The following LAMA2 variants were observed in gnomAD, a reference collection of about 807,000 sequenced individuals.
The protein encoded by LAMA2 is laminin subunit alpha 2.
LAMA2 carries 269 observed loss-of-function variants against 364.8 expected under a neutral mutation model. The ratio of observed to expected loss-of-function variants is 0.74; its 90% confidence interval spans 0.67 to 0.82. The LOEUF (loss-of-function observed/expected upper bound fraction) is 0.82. LAMA2 is among the 40% of genes least tolerant of loss of function. The probability of loss-of-function intolerance (pLI) is 0.00; values close to 1 mark genes in which losing one functional copy is unlikely to be tolerated. For missense variants in LAMA2, 3,807 were observed against 3,873.2 expected, an observed-to-expected ratio of 0.98 and a Z score of 0.45; for synonymous variants, 1,379 against 1,370.6, an observed-to-expected ratio of 1.01 and a Z score of -0.14.
chr6:129,334,018 T>G (rs1006910479), intron 29 of LAMA2, among the ~76,000 whole-genome samples: 7 of 152,178 alleles, frequency 4.6e-5, no homozygotes, highest in African/African-American at 1.7e-4. Context: ...GCTCCAAATT[T>G]TTATATTTTC....
At chr6:129,506,314 C>T (rs913740176) in intron 61 of LAMA2, among the ~76,000 whole-genome samples, 3 of 151,934 alleles carry the variant, frequency 2.0e-5, no homozygotes, top group African/African-American at 7.3e-5. Context: ...AATAGCACCA[C>T]TGCATTCCAG....
intron 12 of LAMA2, among the ~76,000 whole-genome samples, chr6:129,219,522 G>A (rs1783653322): frequency 6.6e-6 from 1 of 151,324 alleles, no homozygotes; most frequent in South Asian, 2.1e-4. Context: ...AAAGACACAT[G>A]CACACGTATG....
At chr6:129,035,310 T>TC in intron 1 of LAMA2, among the ~76,000 whole-genome samples, 1 of 151,026 alleles carries the variant, frequency 6.6e-6, no homozygotes, top group East Asian at 1.9e-4. Flanking sequence ...TCTTTTTTTT[T>TC]TTTTTAGAAG....
chr6:128,912,444 C>A (rs1778030351), intron 1 of LAMA2, among the ~76,000 whole-genome samples: 1 of 152,044 alleles, frequency 6.6e-6, no homozygotes, highest in Admixed American at 6.6e-5. Flanking sequence ...TTTGAGATTT[C>A]TATAAAATTC....
Position 129,188,545 on chromosome 6 carries a change from C to G in LAMA2, c.1468-1660C>G, listed in dbSNP as rs557753418. 1.1e-4 allele frequency among the ~76,000 whole-genome samples: 17 copies of G among 151,954 alleles called. No homozygotes were observed. The South Asian group carries it at 2.9e-3, about 26-fold the overall frequency. The stretch of plus-strand genomic sequence containing the variant: ...TTACAGATATGTTTCATCTTTCTTG[C>G]CTTTATACTCTTTTGAAGATGCTCT... On this transcript the variant is annotated intron_variant, in intron 10 of 64. Transcript: ENST00000421865.
At position 129,374,481 on chromosome 6, in the gene LAMA2, C is replaced by T. The variant is rs1205848410; in HGVS notation, c.4959+4491C>T. 2.6e-5 allele frequency among the ~76,000 whole-genome samples: 4 copies of T among 152,274 alleles called. No individual in the cohort carries two copies. The East Asian group carries it at 7.7e-4, about 29-fold the overall frequency. On this transcript the variant is annotated intron_variant, in intron 34 of 64. Coordinates refer to ENST00000421865, the MANE Select transcript of LAMA2 (RefSeq NM_000426.4). ...CAGACCACTGGGATATTCAAGAACT[C>T]CCCAGATTATACTGATAAAGAATTA...
rs1294289973 is a variant in LAMA2, at chr6:129,454,205, G to C, written c.6624G>C (p.Trp2208Cys). The C allele has an allele frequency of 1.9e-6, 3 of 1,612,298 alleles. No individual in the cohort carries two copies. The highest frequency in any genetic ancestry group is 2.5e-6 in the Non-Finnish European group (3 of 1,178,736). ...GTAAAGGCAAAGTCAGCTTCCTCTG[G>C]GATGTTGGATCTGGAGTTGGACGTG... ...EMRKGKVSFL[W>C]DVGSGVGRVE... Residue 2208 changes from tryptophan to cysteine, a missense_variant, in exon 47 of 65, where the codon TGG becomes TGC. This residue lies in a region of LAMA2 where 3,333 missense variants were observed against 3,345.7 expected (regional missense o/e 1.00). Coordinates refer to ENST00000421865, the MANE Select transcript of LAMA2 (RefSeq NM_000426.4).
chr6:128,972,946 T>C (rs1289436596), intron 1 of LAMA2, among the ~76,000 whole-genome samples: 1 of 152,212 alleles, frequency 6.6e-6, no homozygotes, highest in Non-Finnish European at 1.5e-5. Flanking sequence ...TTTGATTTGG[T>C]TTAAATATCC....
intron 40 of LAMA2, among the ~76,000 whole-genome samples, chr6:129,422,785 C>G (rs1781140824): frequency 6.6e-6 from 1 of 152,054 alleles, no homozygotes; most frequent in South Asian, 2.1e-4. Context: ...AAATAATAAA[C>G]TCTTTCAGAA....
Position 129,338,639 on chromosome 6 carries a change from C to T in LAMA2, c.4312-3704C>T, listed in dbSNP as rs377727349. Among the ~76,000 whole-genome samples the T allele has an allele frequency of 6.6e-5, 10 of 152,296 alleles. No homozygotes were observed. In the East Asian group the frequency reaches 1.7e-3, roughly 26 times the overall value. On this transcript the variant is annotated intron_variant, in intron 29 of 64. Coordinates refer to ENST00000421865, the MANE Select transcript of LAMA2 (RefSeq NM_000426.4). ...GCCTGACCAGTTTCATCTATACTTC[C>T]TGGAACATGCATTCATTCATTCAGT...
intron 22 of LAMA2, among the ~76,000 whole-genome samples, chr6:129,308,888 A>G (rs554857011): frequency 6.6e-6 from 1 of 152,310 alleles, no homozygotes; most frequent in East Asian, 1.9e-4. Flanking sequence ...TTAAACAACC[A>G]GATCTTGCCG....
intron 1 of LAMA2, among the ~76,000 whole-genome samples, chr6:128,962,142 A>ATG (rs1781560289): frequency 2.6e-5 from 1 of 38,950 alleles, no homozygotes; most frequent in Non-Finnish European, 4.9e-5. Flanking sequence ...TCTGGACCAT[A>ATG]TATATATATA....
At chr6:129,039,404 G>A (rs555067160) in intron 1 of LAMA2, among the ~76,000 whole-genome samples, 1 of 152,282 alleles carries the variant, frequency 6.6e-6, no homozygotes, top group South Asian at 2.1e-4. Flanking sequence ...GCATGAAGGA[G>A]GATAGCAACA....
At chr6:128,988,393 CT>C (rs1462151127) in intron 1 of LAMA2, among the ~76,000 whole-genome samples, 2 of 151,954 alleles carry the variant, frequency 1.3e-5, no homozygotes, top group African/African-American at 4.8e-5. Context: ...ATCAAATGTA[CT>C]TTTAGGTAAA....
chr6:128,883,789 T>TACAC (rs1194550604), intron 1 of LAMA2, among the ~76,000 whole-genome samples: 12 of 123,982 alleles, frequency 9.7e-5, no homozygotes, highest in Admixed American at 7.0e-4. Context: ...AAAAAAATTA[T>TACAC]ATATATATAT....
At chr6:129,360,372 A>G (rs917320439) in intron 32 of LAMA2, among the ~76,000 whole-genome samples, 4 of 152,176 alleles carry the variant, frequency 2.6e-5, no homozygotes, top group Admixed American at 2.6e-4. Flanking sequence ...AGGGCAAATA[A>G]AAGTAGCTTC....
intron 3 of LAMA2, among the ~76,000 whole-genome samples, chr6:129,083,221 T>C (rs1774176629): frequency 6.6e-6 from 1 of 152,166 alleles, no homozygotes; most frequent in South Asian, 2.1e-4. Flanking sequence ...CATGTAACTG[T>C]GTAGTATTTG....
chr6:129,393,356 A>G, intron 37 of LAMA2, 101 bp downstream of exon 37: 2 of 887,008 alleles, frequency 2.3e-6, no homozygotes, highest in Admixed American at 1.8e-5. Flanking sequence ...ACATTTACAA[A>G]AGTCAAGAGT....
chr6:129,343,640 T>C (rs1776388661), intron 30 of LAMA2, among the ~76,000 whole-genome samples: 1 of 152,190 alleles, frequency 6.6e-6, no homozygotes, highest in African/African-American at 2.4e-5. Flanking sequence ...TAGAAAAATT[T>C]AATAATTAAT....
Sources: gnomAD v4.1 joint callset for allele counts (sites outside exome capture counted in the v4.1 genomes callset) on GRCh38, gnomAD v4.1.1 for gene constraint, gnomAD v4.1.1 regional missense constraint, MANE v1.5 for transcripts, NCBI Gene and HGNC (gene_info 2026-07-23, HGNC 2026-07-21) for gene names.